Variants in ZMYND11 observed in about 807,000 individuals in gnomAD.
ZMYND11 encodes the protein zinc finger MYND-type containing 11.
In ZMYND11, 9 loss-of-function variants were observed where a neutral mutation model predicts 84.9. The observed-to-expected ratio is 0.11, with a 90% CI of 0.06 to 0.18. The LOEUF is 0.18. Among genes scored for constraint, ZMYND11 ranks in the 10% least tolerant of loss-of-function variants. ZMYND11 has a pLI of 1.00. For missense variants in ZMYND11, 409 were observed against 761.0 expected (o/e 0.54, Z 5.44); for synonymous variants, 250 against 244.1 (o/e 1.02, Z -0.23).
chr10:130,785 C>T (rs1554749833), upstream of ZMYND11, among the ~76,000 whole-genome samples: 1 of 152,166 alleles, frequency 6.6e-6, no homozygotes, highest in Non-Finnish European at 1.5e-5. Context: ...GGAATTTGGA[C>T]TCAGGTGCAC....
intron 7 of ZMYND11, 62 bp downstream of exon 7, chr10:239,587 A>T: frequency 8.8e-7 from 1 of 1,131,028 alleles, no homozygotes; most frequent in East Asian, 2.4e-5. Flanking sequence ...TCCATGTTGA[A>T]CACTATCTTT....
intron 1 of ZMYND11, among the ~76,000 whole-genome samples, chr10:174,815 A>G (rs1846204655): frequency 6.6e-6 from 1 of 151,710 alleles, no homozygotes; most frequent in South Asian, 2.1e-4. Context: ...CGGGCACTAC[A>G]GTGGCACATG....
At chr10:236,816 T>C (rs1564436033) in intron 4 of ZMYND11, 22 bp from the exon 5 acceptor site, 1 of 1,596,580 alleles carries the variant, frequency 6.3e-7, no homozygotes, top group African/African-American at 1.3e-5. Context: ...TGTACCTTTT[T>C]TTATTCTTTT....
chr10:173,959 G>C (rs1588650391), intron 1 of ZMYND11, among the ~76,000 whole-genome samples: 1 of 152,176 alleles, frequency 6.6e-6, no homozygotes, highest in Admixed American at 6.5e-5. Context: ...GCTGGTGGAA[G>C]TGCAAAATGG....
At chr10:167,290 TC>T in intron 1 of ZMYND11, among the ~76,000 whole-genome samples, 1 of 152,072 alleles carries the variant, frequency 6.6e-6, no homozygotes, top group South Asian at 2.1e-4. Flanking sequence ...AATATTATGT[TC>T]CAAAAACCAC....
chr10:192,480 C>T (rs1347136213), intron 2 of ZMYND11, among the ~76,000 whole-genome samples: 1 of 152,204 alleles, frequency 6.6e-6, no homozygotes. Context: ...GCTATGGACA[C>T]TCAAGATGTC....
At chr10:146,482 A>AT (rs1554755341) in intron 1 of ZMYND11, among the ~76,000 whole-genome samples, 1 of 151,996 alleles carries the variant, frequency 6.6e-6, no homozygotes, top group Admixed American at 6.6e-5. Flanking sequence ...CACAATATCG[A>AT]TTTTTCCAAT....
intron 1 of ZMYND11, chr10:147,897 T>C (rs1312442474): frequency 2.0e-5 from 3 of 152,144 alleles, no homozygotes; most frequent in African/African-American, 7.2e-5. Flanking sequence ...AATACAAAAG[T>C]GTTCTGCCTG....
At chr10:145,154 ATATG>A in intron 1 of ZMYND11, among the ~76,000 whole-genome samples, 1 of 151,048 alleles carries the variant, frequency 6.6e-6, no homozygotes, top group South Asian at 2.1e-4. Context: ...GTGTATATAT[ATATG>A]TGTGTGTATA....
chr10:139,930 T>A (rs928086565), intron 1 of ZMYND11, among the ~76,000 whole-genome samples: 37 of 152,106 alleles, frequency 2.4e-4, no homozygotes, highest in African/African-American at 8.9e-4. Flanking sequence ...CAGGCTCTTC[T>A]CAAACGTGTA....
In ZMYND11 at chr10:252,594, G is replaced by A. The variant is rs1589335523; in HGVS notation, c.*124G>A. On this transcript the variant is annotated 3_prime_UTR_variant, in exon 15 of 15. Coordinates refer to ENST00000381604, the MANE Select transcript of ZMYND11 (RefSeq NM_001370100.5). The surrounding 1 kb of genome is among the most constrained non-coding windows in gnomAD (Gnocchi z 4.6). ...TTGCACCAGCCTTTAAACACTTTTC[G>A]TGAAGAAATTTTGCACAGTAGTTTA... is the stretch of plus-strand genomic sequence containing the variant. 5.8e-6 allele frequency: 8 copies of A among 1,382,274 alleles called. No individual in the cohort carries two copies. Among genetic ancestry groups the A allele is most frequent in the East Asian group, 2.5e-5 (1 of 39,592 alleles). 85.6% of individuals were successfully genotyped at this position (1,382,274 alleles called of 1,614,324 possible).
intron 9 of ZMYND11, 108 bp from the exon 10 acceptor site, chr10:241,911 AAG>A (rs1951034633): frequency 7.4e-7 from 1 of 1,354,690 alleles, no homozygotes; most frequent in Non-Finnish European, 1.0e-6. Flanking sequence ...GGAGTTATGA[AAG>A]AAATATTTTA....
At chr10:171,069 G>C (rs1554765550) in intron 1 of ZMYND11, among the ~76,000 whole-genome samples, 2 of 152,112 alleles carry the variant, frequency 1.3e-5, no homozygotes. Context: ...AGTTATAAGG[G>C]ATAAAGGTGG....
intron 1 of ZMYND11, among the ~76,000 whole-genome samples, chr10:165,722 T>C (rs1256368368): frequency 6.6e-6 from 1 of 152,148 alleles, no homozygotes; most frequent in East Asian, 1.9e-4. Context: ...TTCTACACCC[T>C]GTAGCCAGAG....
intron 4 of ZMYND11, among the ~76,000 whole-genome samples, chr10:227,332 G>C (rs147853845): frequency 3.2e-3 from 484 of 152,204 alleles, no homozygotes; most frequent in African/African-American, 0.011. Flanking sequence ...GGAAAGTTAA[G>C]ACTTTAAAAA....
intron 9 of ZMYND11, 67 bp downstream of exon 9, chr10:241,037 A>G: frequency 7.8e-7 from 1 of 1,279,094 alleles, no homozygotes; most frequent in Non-Finnish European, 1.1e-6. Flanking sequence ...CAGTTTGGTT[A>G]AAGATTATAA....
At chr10:237,502 GA>G in intron 5 of ZMYND11, 82 bp from the exon 6 acceptor site, 1 of 834,334 alleles carries the variant, frequency 1.2e-6, no homozygotes, top group East Asian at 2.8e-5. Flanking sequence ...TAAAAAGGTA[GA>G]AAATATTTTG....
chr10:239,220 C>G (rs1409805652), intron 6 of ZMYND11, among the ~76,000 whole-genome samples: 1 of 152,196 alleles, frequency 6.6e-6, no homozygotes, highest in Non-Finnish European at 1.5e-5. Context: ...GTCTTTGTGG[C>G]TGCGGGATAT....
At chr10:230,649 T>C (rs1948881126) in intron 4 of ZMYND11, among the ~76,000 whole-genome samples, 1 of 152,120 alleles carries the variant, frequency 6.6e-6, no homozygotes, top group Admixed American at 6.6e-5. Flanking sequence ...AAGTCAGCAA[T>C]TGATATTTCA....
Sources: gnomAD v4.1 joint callset for allele counts (sites outside exome capture counted in the v4.1 genomes callset) on GRCh38, gnomAD v4.1.1 for gene constraint, Gnocchi (gnomAD v3.1) non-coding constraint, MANE v1.5 for transcripts, NCBI Gene and HGNC (gene_info 2026-07-23, HGNC 2026-07-21) for gene names.